Variants in INTU observed in about 807,000 individuals in gnomAD.
INTU encodes inturned planar cell polarity protein.
In INTU, 68 loss-of-function variants were observed where a neutral mutation model predicts 100.5. That is an observed-to-expected ratio of 0.68 (90% CI 0.56 to 0.83). The LOEUF is 0.83. Among genes scored for constraint, INTU ranks in the 40% least tolerant of loss-of-function variants. The pLI is 0.00. For missense variants in INTU, 1,071 were observed against 1,114.7 expected (o/e 0.96, Z 0.56); for synonymous variants, 357 against 395.7 (o/e 0.90, Z 1.16).
At chr4:127,678,968 A>G (rs1347120582) in intron 6 of INTU, among the ~76,000 whole-genome samples, 2 of 152,036 alleles carry the variant, frequency 1.3e-5, no homozygotes, top group African/African-American at 4.8e-5. Flanking sequence ...CTCTGATAAA[A>G]CAGACTTTAA....
At chr4:127,715,571 C>T (rs968281594) in intron 15 of INTU, among the ~76,000 whole-genome samples, 2 of 152,144 alleles carry the variant, frequency 1.3e-5, no homozygotes, top group African/African-American at 2.4e-5. Context: ...TCAGTGTAAG[C>T]TTAATTCCAT....
Position 127,717,194 on chromosome 4 carries a change from G to T in INTU, c.*758G>T, listed in dbSNP as rs1040985481. 2.0e-5 allele frequency: 3 copies of T among 152,036 alleles called. No homozygotes were observed. The highest frequency in any genetic ancestry group is 7.2e-5 in the African/African-American group (3 of 41,388). 9.4% of individuals were successfully genotyped at this position (152,036 alleles called of 1,614,324 possible). On this transcript the variant is annotated 3_prime_UTR_variant, in exon 16 of 16. Coordinates refer to ENST00000335251, the MANE Select transcript of INTU (RefSeq NM_015693.4). ...GCATTGTTCCCCTCCCTTTGTCCAT[G>T]TGTTCTCATGGTCAGCTCCCACTTA... is the stretch of plus-strand genomic sequence containing the variant.
intron 12 of INTU, among the ~76,000 whole-genome samples, chr4:127,707,491 T>A (rs1217326442): frequency 6.6e-6 from 1 of 152,016 alleles, no homozygotes; most frequent in Non-Finnish European, 1.5e-5. Context: ...TAGGAAAACT[T>A]TAATCTCAAT....
In INTU at chr4:127,643,753, C is replaced by A. The variant is rs551896972; in HGVS notation, c.379C>A (p.Arg127Ser). 6.2e-7 allele frequency: 1 copy of A among 1,612,942 alleles called. No individual in the cohort carries two copies. The highest frequency in any genetic ancestry group is 2.2e-5 in the East Asian group (1 of 44,872). Residue 127 changes from arginine to serine, a missense_variant, in exon 2 of 16, where the codon CGC (arginine) becomes AGC (serine). Transcript: ENST00000335251. ...AAGAAGGAAAAGACTTTTACCCAAG[C>A]GCTGCAATAAAAAAAATAGCAATGA... ...ILRRKRLLPK[R>S]CNKKNSNDNG...
At chr4:127,707,392 C>CAAAAA (rs71587331) in intron 12 of INTU, among the ~76,000 whole-genome samples, 6 of 44,592 alleles carry the variant, frequency 1.3e-4, no homozygotes, top group African/African-American at 1.9e-4. Flanking sequence ...GACTCTGTCT[C>CAAAAA]AAAAAAAAAA....
intron 10 of INTU, 98 bp from the exon 11 acceptor site, chr4:127,705,492 TA>T: frequency 1.1e-6 from 1 of 902,896 alleles, no homozygotes. Flanking sequence ...TAGAATATTC[TA>T]AACCAACGGA....
Position 127,708,589 on chromosome 4 carries a change from A to C in INTU, c.2290A>C (p.Thr764Pro), listed in dbSNP as rs369089547. Residue 764 changes from threonine to proline, a missense_variant, in exon 13 of 16, where the codon ACT becomes CCT. Thr to Pro is a conservative substitution (Grantham distance 38). Transcript: ENST00000335251. ...TLLKVTKKKS[T>P]LPNPFHLGNL... ...TTTTCAGGTCACTAAAAAGAAGTCTACTCTTCCAAATCCATTTCATTTGGG... is the reference window on the plus strand; with the variant it reads ...TTTTCAGGTCACTAAAAAGAAGTCTCCTCTTCCAAATCCATTTCATTTGGG... 6.3e-7 allele frequency: 1 copy of C among 1,590,816 alleles called. No homozygotes were observed. The highest frequency in any genetic ancestry group is 2.2e-5 in the East Asian group (1 of 44,584).
intron 8 of INTU, among the ~76,000 whole-genome samples, chr4:127,692,428 G>A (rs926948049): frequency 1.3e-5 from 2 of 152,016 alleles, no homozygotes; most frequent in Admixed American, 6.6e-5. Flanking sequence ...CCCACTTTTT[G>A]ATGGGATTGT....
chr4:127,674,789 A>G (rs972149386), intron 6 of INTU, among the ~76,000 whole-genome samples: 2 of 152,212 alleles, frequency 1.3e-5, no homozygotes, highest in African/African-American at 4.8e-5. Context: ...CAGGGACTGC[A>G]TTAGGTACTT....
At chr4:127,701,529 G>T (rs1730649008) in intron 9 of INTU, among the ~76,000 whole-genome samples, 1 of 152,080 alleles carries the variant, frequency 6.6e-6, no homozygotes, top group Admixed American at 6.6e-5. Flanking sequence ...TGTGATAATG[G>T]TATGATTATA....
At chr4:127,648,757 A>T (rs746478313) in intron 2 of INTU, among the ~76,000 whole-genome samples, 1 of 151,874 alleles carries the variant, frequency 6.6e-6, no homozygotes, top group Non-Finnish European at 1.5e-5. Context: ...TACAGCTATA[A>T]GTAATTTGAT....
intron 7 of INTU, chr4:127,685,377 C>A (rs1729769245): frequency 1.4e-5 from 6 of 443,076 alleles, no homozygotes; most frequent in Admixed American, 1.2e-4. Context: ...TACATTTTTC[C>A]AAACCATAGT....
chr4:127,656,917 A>T (rs35875874), intron 3 of INTU, among the ~76,000 whole-genome samples, 196 bp downstream of exon 3: 40,488 of 152,116 alleles, frequency 0.27, 6,465 homozygotes, highest in Non-Finnish European at 0.35. Flanking sequence ...AAAGAGAGAA[A>T]AATATCTACA....
In INTU at chr4:127,706,773, G is replaced by A; in HGVS notation, c.2075G>A (p.Cys692Tyr). ...TCCAAAGTAGCAACTTCTCCAACAT[G>A]CAGAAGAACGCTTTTTGGTGACTAT... ...GTSKVATSPT[C>Y]RRTLFGDYSL... The change falls in exon 12 of 16, where the codon TGC becomes TAC. Residue 692 changes from cysteine (C) to tyrosine (Y), a missense_variant. Transcript: ENST00000335251. 2 of 1,614,120 alleles carry A rather than the reference G, an allele frequency of 1.2e-6. No individual in the cohort carries two copies. The highest frequency in any genetic ancestry group is 1.1e-5 in the South Asian group (1 of 91,082).
rs114081073 is a variant in INTU at position 127,661,569 on chromosome 4, A to G, written c.769-1812A>G. On this transcript the variant is annotated intron_variant, in intron 3 of 15. Transcript: ENST00000335251. The stretch of plus-strand genomic sequence containing the variant: ...TGTGACTCATCTCATGCTCCCTCTG[A>G]TTTGATTTCTCCCCTTCTGTACCGC... Among the ~76,000 whole-genome samples, 255 of 152,064 alleles carry G rather than the reference A, an allele frequency of 1.7e-3. 1 individual carries two copies. The highest frequency in any genetic ancestry group is 5.9e-3 in the African/African-American group (243 of 41,482).
rs1300991362 is a variant in INTU, at chr4:127,710,992, C to G, written c.2449C>G (p.Leu817Val). 1.2e-6 allele frequency: 2 copies of G among 1,606,876 alleles called. No homozygotes were observed. Among genetic ancestry groups the G allele is most frequent in the Non-Finnish European group, 1.7e-6 (2 of 1,175,246 alleles). Residue 817 changes from leucine to valine, a missense_variant, in exon 14 of 16, where the codon CTT becomes GTT. Coordinates refer to ENST00000335251, the MANE Select transcript of INTU (RefSeq NM_015693.4). ...TVQGIFITPT[L>V]EEVAQLSGSI... The stretch of plus-strand genomic sequence containing the variant: ...GCAAGGAATCTTTATTACTCCTACC[C>G]TTGAAGAGGTGGCACAGCTAAGTGG...
At chr4:127,649,387 A>G (rs1291961993) in intron 2 of INTU, among the ~76,000 whole-genome samples, 5 of 152,204 alleles carry the variant, frequency 3.3e-5, no homozygotes, top group Admixed American at 1.3e-4. Context: ...AAGACTCTCA[A>G]TGCCTCGGCT....
At chr4:127,683,150 AAC>A (rs1200057730) in intron 6 of INTU, among the ~76,000 whole-genome samples, 1 of 152,130 alleles carries the variant, frequency 6.6e-6, no homozygotes, top group Non-Finnish European at 1.5e-5. Context: ...ATCTTTATTA[AAC>A]AGGGTGGGGG....
intron 7 of INTU, among the ~76,000 whole-genome samples, chr4:127,685,240 A>G (rs1729762223): frequency 6.6e-6 from 1 of 152,024 alleles, no homozygotes; most frequent in African/African-American, 2.4e-5. Context: ...CATTTAACAT[A>G]AAATTGGGTA....
Sources: allele counts gnomAD v4.1 joint callset (sites outside exome capture counted in the v4.1 genomes callset), GRCh38; gene constraint gnomAD v4.1.1; transcripts MANE v1.5; gene names NCBI Gene and HGNC (gene_info 2026-07-23, HGNC 2026-07-21).